EIF3A: variants seen among roughly 807,000 people sequenced by gnomAD.
EIF3A encodes eukaryotic translation initiation factor 3 subunit A, also known as EIF3, p180 subunit.
EIF3A carries 21 observed loss-of-function variants against 186.6 expected under a neutral mutation model. The ratio of observed to expected loss-of-function variants is 0.11; its 90% CI spans 0.08 to 0.16. EIF3A has a LOEUF of 0.16. Among genes scored for constraint, EIF3A ranks in the 10% least tolerant of loss-of-function variants. EIF3A has a pLI of 1.00. For missense variants in EIF3A, 1,306 were observed against 1,796.3 expected (o/e 0.73, Z 4.93); for synonymous variants, 563 against 584.3 (o/e 0.96, Z 0.52).
chr10:119,078,811 T>C (rs755766266), intron 1 of EIF3A, among the ~76,000 whole-genome samples: 1 of 152,164 alleles, frequency 6.6e-6, no homozygotes, highest in Non-Finnish European at 1.5e-5. Flanking sequence ...AAAAAAATGT[T>C]TGATGCACAT....
At chr10:119,050,783 C>G (rs1848346349) in intron 15 of EIF3A, 109 bp from the exon 16 acceptor site, 5 of 1,175,666 alleles carry the variant, frequency 4.3e-6, no homozygotes, top group African/African-American at 1.5e-5. Context: ...TCAGAATCAT[C>G]GAAAGCAACC....
rs976904619 is a variant in EIF3A, at chr10:119,035,227, A to G, written c.*812T>C. On this transcript the variant is annotated 3_prime_UTR_variant, in exon 22 of 22. Transcript: ENST00000369144. ...TCTTCAAAAGAAAGAAAATTAGGAA[A>G]GAGAATTTAAACGATTCCTCCAAAC... 1.3e-4 allele frequency: 20 copies of G among 152,672 alleles called. No homozygotes were observed. The highest frequency in any genetic ancestry group is 3.9e-4 in the African/African-American group (16 of 41,542). 9.5% of individuals were successfully genotyped at this position (152,672 alleles called of 1,614,324 possible). A position where few individuals can be genotyped will look rare whatever the true frequency, so the allele number is the denominator to read the frequency against.
chr10:119,075,848 G>A (rs568553321), intron 1 of EIF3A, among the ~76,000 whole-genome samples: 3 of 144,468 alleles, frequency 2.1e-5, no homozygotes, highest in Non-Finnish European at 4.5e-5. Flanking sequence ...TGAGTCGCTG[G>A]GACTACGGAG....
intron 4 of EIF3A, among the ~76,000 whole-genome samples, chr10:119,072,014 G>C (rs1844080137): frequency 1.0e-5 from 1 of 96,392 alleles, no homozygotes; most frequent in South Asian, 4.2e-4. Context: ...CACAGAGCAA[G>C]ACTCTGTCTC....
intron 16 of EIF3A, 102 bp from the exon 17 acceptor site, chr10:119,050,087 T>A: frequency 8.8e-7 from 1 of 1,138,394 alleles, no homozygotes; most frequent in South Asian, 1.5e-5. Context: ...AATGTACAAG[T>A]AAAAGAATTT....
At chr10:119,039,034 G>A (rs371469910) in intron 19 of EIF3A, among the ~76,000 whole-genome samples, 3 of 152,228 alleles carry the variant, frequency 2.0e-5, no homozygotes, top group South Asian at 2.1e-4. Context: ...CCTATTGCAC[G>A]CAGATTTCAG....
At chr10:119,073,973 CACTAT>C (rs775494087) in intron 1 of EIF3A, 36 bp from the exon 2 acceptor site, 12 of 1,539,362 alleles carry the variant, frequency 7.8e-6, no homozygotes, top group Non-Finnish European at 1.1e-5. Context: ...TAGTTATGTA[CACTAT>C]ACAAGAGTCT....
intron 7 of EIF3A, among the ~76,000 whole-genome samples, chr10:119,064,556 G>GCCAT (rs1033223729): frequency 3.3e-5 from 5 of 152,168 alleles, no homozygotes; most frequent in African/African-American, 9.7e-5. Flanking sequence ...AGCCGTATAA[G>GCCAT]CCATACCTGC....
chr10:119,053,889 A>G (rs186551322), intron 14 of EIF3A, among the ~76,000 whole-genome samples: 22 of 152,204 alleles, frequency 1.4e-4, no homozygotes, highest in African/African-American at 4.6e-4. Flanking sequence ...AACCTCTGCT[A>G]GCTTCATACT....
intron 17 of EIF3A, among the ~76,000 whole-genome samples, chr10:119,047,864 C>A (rs1848301512): frequency 6.6e-6 from 1 of 152,044 alleles, no homozygotes; most frequent in Non-Finnish European, 1.5e-5. Context: ...GCATTTGATA[C>A]AGGTGTGGCA....
intron 12 of EIF3A, among the ~76,000 whole-genome samples, chr10:119,057,329 A>G (rs1398226114): frequency 6.6e-6 from 1 of 152,224 alleles, no homozygotes; most frequent in African/African-American, 2.4e-5. Flanking sequence ...CCCAATTTTA[A>G]AACTTTCTGA....
chr10:119,059,899 A>G, intron 9 of EIF3A, 181 bp from the exon 10 acceptor site: 1 of 641,430 alleles, frequency 1.6e-6, no homozygotes, highest in Non-Finnish European at 2.8e-6. Flanking sequence ...TTTGAGAACC[A>G]TTATCATACT....
chr10:119,070,802 C>T, intron 5 of EIF3A, 84 bp downstream of exon 5: 1 of 951,122 alleles, frequency 1.1e-6, no homozygotes, highest in South Asian at 1.4e-5. Context: ...CCAATGCATA[C>T]CAAGATGAAG....
chr10:119,036,740 G>A (rs1848134329), intron 21 of EIF3A, among the ~76,000 whole-genome samples: 1 of 151,946 alleles, frequency 6.6e-6, no homozygotes, highest in African/African-American at 2.4e-5. Context: ...AGAAAAATGA[G>A]GATTTTAAAA....
Position 119,058,105 on chromosome 10 carries a change from C to G in EIF3A, c.1828G>C (p.Glu610Gln). The change falls in exon 12 of 22, where the codon GAG becomes CAG. Residue 610 changes from glutamate to glutamine, a missense_variant. This residue lies in a region of EIF3A where 94 missense variants were observed against 204.9 expected (regional missense o/e 0.46). Transcript: ENST00000369144. ...TCCTTTGCTTCCTGGCGCAGCCTCT[C>G]TTCCTCAGCCTTCCGCACTTTCTGG... ...ELQKVRKAEE[E>Q]RLRQEAKERE... 1 of 1,614,214 alleles carries G rather than the reference C, an allele frequency of 6.2e-7. No individual in the cohort carries two copies. Among genetic ancestry groups the G allele is most frequent in the Non-Finnish European group, 8.5e-7 (1 of 1,180,044 alleles).
intron 1 of EIF3A, among the ~76,000 whole-genome samples, chr10:119,074,586 A>G (rs1844128760): frequency 6.6e-6 from 1 of 151,860 alleles, no homozygotes; most frequent in South Asian, 2.1e-4. Context: ...TCTTTGCAAC[A>G]CTCTGGAAAT....
chr10:119,059,175 A>G (rs753155510), intron 11 of EIF3A, 37 bp downstream of exon 11: 2 of 1,582,316 alleles, frequency 1.3e-6, no homozygotes, highest in Admixed American at 3.5e-5. Flanking sequence ...GAGTCCCTCA[A>G]AACTTCTGGG....
At chr10:119,072,601 C>T (rs956349348) in intron 4 of EIF3A, among the ~76,000 whole-genome samples, 7 of 152,170 alleles carry the variant, frequency 4.6e-5, no homozygotes, top group African/African-American at 1.7e-4. Flanking sequence ...TACAGGCATA[C>T]ACCACCACGC....
At chr10:119,043,910 A>T in intron 18 of EIF3A, 144 bp downstream of exon 18, 1 of 665,722 alleles carries the variant, frequency 1.5e-6, no homozygotes, top group East Asian at 2.7e-5. Flanking sequence ...AAAAAACAAA[A>T]TACAAACCCA....
Sources: gnomAD v4.1 joint callset for allele counts (sites outside exome capture counted in the v4.1 genomes callset) on GRCh38, gnomAD v4.1.1 for gene constraint, gnomAD v4.1.1 regional missense constraint, MANE v1.5 for transcripts, NCBI Gene and HGNC (gene_info 2026-07-23, HGNC 2026-07-21) for gene names.